The following SAMD12 variants were observed in gnomAD, a reference collection of about 807,000 sequenced individuals.
SAMD12 encodes sterile alpha motif domain-containing protein 12.
In SAMD12, 9 loss-of-function variants were observed where a neutral mutation model predicts 15.0. The observed-to-expected ratio is 0.60, with a 90% CI of 0.36 to 1.05. The LOEUF (loss-of-function observed/expected upper bound fraction) is 1.05, where lower values mean the gene tolerates loss of function less well. Among genes scored for constraint, SAMD12 ranks in the 50% least tolerant of loss-of-function variants. The pLI is 0.01. For missense variants in SAMD12, 230 were observed against 234.2 expected, an observed-to-expected ratio of 0.98 and a Z score of 0.12; for synonymous variants, 86 against 90.1, an observed-to-expected ratio of 0.96 and a Z score of 0.25.
At chr8:118,431,919 G>A (rs748149688) in intron 3 of SAMD12, among the ~76,000 whole-genome samples, 3 of 152,090 alleles carry the variant, frequency 2.0e-5, no homozygotes, top group Non-Finnish European at 2.9e-5. Flanking sequence ...ATTCTTGGAT[G>A]TTCTGCTCTG....
chr8:118,393,902 C>G (rs1369502419), intron 3 of SAMD12, among the ~76,000 whole-genome samples: 5 of 152,028 alleles, frequency 3.3e-5, no homozygotes, highest in Admixed American at 3.3e-4. Context: ...AAGCCTGGCC[C>G]CATGCATTTG....
chr8:118,244,432 A>T (rs1413122869), intron 4 of SAMD12, among the ~76,000 whole-genome samples: 2 of 152,086 alleles, frequency 1.3e-5, no homozygotes, highest in Non-Finnish European at 2.9e-5. Context: ...TTTGCAAGGA[A>T]CACTTATATA....
At chr8:118,569,468 G>A (rs1020353801) in intron 2 of SAMD12, among the ~76,000 whole-genome samples, 4 of 152,024 alleles carry the variant, frequency 2.6e-5, no homozygotes, top group African/African-American at 4.8e-5. Flanking sequence ...CAGGCATTTC[G>A]GATACAGGAT....
chr8:118,413,674 T>C (rs1350858701), intron 3 of SAMD12, among the ~76,000 whole-genome samples: 1 of 152,174 alleles, frequency 6.6e-6, no homozygotes, highest in Non-Finnish European at 1.5e-5. Flanking sequence ...TGAAGACAAG[T>C]GTCTTGTGTC....
intron 2 of SAMD12, among the ~76,000 whole-genome samples, chr8:118,456,270 A>G (rs1452878944): frequency 6.6e-6 from 1 of 152,194 alleles, no homozygotes; most frequent in Non-Finnish European, 1.5e-5. Flanking sequence ...GGCTAGCTTC[A>G]GCTCATCATT....
intron 4 of SAMD12, among the ~76,000 whole-genome samples, chr8:118,304,296 T>C (rs73320264): frequency 0.06 from 9,125 of 152,284 alleles, 821 homozygotes; most frequent in African/African-American, 0.19. Flanking sequence ...TTTTGAAATG[T>C]CACAACAATT....
At chr8:118,423,623 T>C (rs1377532446) in intron 3 of SAMD12, among the ~76,000 whole-genome samples, 2 of 152,126 alleles carry the variant, frequency 1.3e-5, no homozygotes, top group East Asian at 3.9e-4. Context: ...TTTATATCAC[T>C]TACCTGCACA....
In SAMD12 at chr8:118,569,287, T is replaced by C. The variant is rs549812045; in HGVS notation, c.192+11428A>G. ...GCACAAAATTATTTAAAATATTGTA[T>C]AAAATTGCCTTCAGGCTATATATAT... On this transcript the variant is annotated intron_variant, in intron 2 of 3. Transcript: ENST00000314727. Among the ~76,000 whole-genome samples, 8 of 152,308 alleles carry C rather than the reference T, an allele frequency of 5.3e-5. 1 individual carries two copies. In the South Asian group the frequency reaches 1.7e-3, roughly 32 times the overall value.
chr8:118,212,468 G>C (rs1362675790), intron 4 of SAMD12, among the ~76,000 whole-genome samples: 1 of 152,134 alleles, frequency 6.6e-6, no homozygotes, highest in African/African-American at 2.4e-5. Flanking sequence ...ATGCCTTCTG[G>C]TATAAACTTC....
the SAMD12 span, among the ~76,000 whole-genome samples, chr8:118,150,745 A>G: frequency 6.6e-6 from 1 of 152,162 alleles, no homozygotes; most frequent in Non-Finnish European, 1.5e-5. Flanking sequence ...ATATTTACCA[A>G]TTCCAAGGTT....
At chr8:118,299,244 A>G (rs1036935090) in intron 4 of SAMD12, among the ~76,000 whole-genome samples, 7 of 152,316 alleles carry the variant, frequency 4.6e-5, no homozygotes, top group Middle Eastern at 3.4e-3. Context: ...AGAGTCCCCA[A>G]GTAGGCTAGT....
intron 2 of SAMD12, among the ~76,000 whole-genome samples, chr8:118,541,379 G>T (rs1165092679): frequency 6.6e-6 from 1 of 152,134 alleles, no homozygotes; most frequent in African/African-American, 2.4e-5. Context: ...CATACCTTGG[G>T]CAAGTCATTG....
At chr8:118,488,105 T>A (rs1824339088) in intron 2 of SAMD12, among the ~76,000 whole-genome samples, 1 of 152,036 alleles carries the variant, frequency 6.6e-6, no homozygotes, top group Non-Finnish European at 1.5e-5. Context: ...AATAAGACTA[T>A]CAAATGTGGG....
chr8:118,425,422 C>T (rs1311396111), intron 3 of SAMD12, among the ~76,000 whole-genome samples: 3 of 152,128 alleles, frequency 2.0e-5, no homozygotes, highest in Non-Finnish European at 2.9e-5. Context: ...ACACCTATAT[C>T]CCTGGCTACT....
chr8:118,318,242 CAT>C (rs955345666), intron 4 of SAMD12, among the ~76,000 whole-genome samples: 4 of 148,808 alleles, frequency 2.7e-5, no homozygotes, highest in South Asian at 2.1e-4. Context: ...CACGTGCACA[CAT>C]ATGTTTATTG....
intron 1 of SAMD12, among the ~76,000 whole-genome samples, chr8:118,615,788 G>A (rs1223956095): frequency 1.3e-5 from 2 of 152,200 alleles, no homozygotes; most frequent in Non-Finnish European, 2.9e-5. Flanking sequence ...CAAGGCAGAT[G>A]AGAAAGAAAG....
At chr8:118,547,050 T>C (rs1229526939) in intron 2 of SAMD12, among the ~76,000 whole-genome samples, 1 of 152,172 alleles carries the variant, frequency 6.6e-6, no homozygotes, top group Non-Finnish European at 1.5e-5. Context: ...TGAGACTCAT[T>C]CAGGAGTAAA....
At chr8:118,402,403 G>A (rs542929994) in intron 3 of SAMD12, among the ~76,000 whole-genome samples, 5 of 152,312 alleles carry the variant, frequency 3.3e-5, no homozygotes, top group African/African-American at 1.2e-4. Flanking sequence ...CAAAGAAAAG[G>A]CAGATGGAGA....
chr8:118,175,551 C>A, the SAMD12 span, among the ~76,000 whole-genome samples: 1 of 152,152 alleles, frequency 6.6e-6, no homozygotes, highest in Non-Finnish European at 1.5e-5. Flanking sequence ...GCACAGTAAA[C>A]AGAGAACTTA....
Sources: gnomAD v4.1 joint callset for allele counts (sites outside exome capture counted in the v4.1 genomes callset) on GRCh38, gnomAD v4.1.1 for gene constraint, MANE v1.5 for transcripts, NCBI Gene and HGNC (gene_info 2026-07-23, HGNC 2026-07-21) for gene names.